Variants in FKTN observed in about 807,000 individuals in gnomAD.
The protein encoded by FKTN is ribitol-5-phosphate transferase FKTN.
In FKTN, 47 loss-of-function variants were observed where a neutral mutation model predicts 58.6. That is an observed-to-expected ratio of 0.80 (90% CI 0.63 to 1.02). The LOEUF (loss-of-function observed/expected upper bound fraction) is 1.02. Ranked by LOEUF, FKTN falls within the 50% of genes least tolerant of loss-of-function variation. FKTN has a pLI of 0.00. For synonymous variants in FKTN, 178 were observed against 191.9 expected (o/e 0.93, Z 0.60); for missense variants, 516 against 537.3 (o/e 0.96, Z 0.39).
intron 3 of FKTN, among the ~76,000 whole-genome samples, chr9:105,575,854 A>G (rs1841577970): frequency 2.6e-5 from 4 of 152,198 alleles, no homozygotes; most frequent in Admixed American, 2.6e-4. Context: ...AGAATGGAGT[A>G]TACTTCCCTG....
intron 1 of FKTN, among the ~76,000 whole-genome samples, chr9:105,570,446 G>A (rs1840544121): frequency 6.6e-6 from 1 of 152,206 alleles, no homozygotes; most frequent in Non-Finnish European, 1.5e-5. Flanking sequence ...TATTGTTATT[G>A]CCTCTATATT....
Position 105,638,482 on chromosome 9 carries a change from C to T in FKTN, c.*3218C>T. The T allele has an allele frequency of 1.0e-6, 1 of 985,394 alleles. No individual in the cohort carries two copies. The highest frequency in any genetic ancestry group is 1.2e-6 in the Non-Finnish European group (1 of 829,908). 61.0% of individuals were successfully genotyped at this position (985,394 alleles called of 1,614,324 possible). A position where few individuals can be genotyped will look rare whatever the true frequency, so the allele number is the denominator to read the frequency against. The stretch of plus-strand genomic sequence containing the variant: ...TACCTAATTCTCTAAGCTCAAGATG[C>T]ATCCCATTGCCACTTTACCATTCTA... On this transcript the variant is annotated 3_prime_UTR_variant, in exon 11 of 11. Transcript: ENST00000357998.
Position 105,618,084 on chromosome 9 carries a change from T to C in FKTN, c.1036T>C (p.Phe346Leu). The change falls in exon 9 of 11, where the codon TTT becomes CTT. Residue 346 changes from phenylalanine (F) to leucine (L), a missense_variant. By Grantham distance (22) the Phe-to-Leu change is conservative. Coordinates refer to ENST00000357998, the MANE Select transcript of FKTN (RefSeq NM_001079802.2). ...TGCAGGACTTCCGCTCAAACACAAA[T>C]TTGGGAAGGTCAGTAACAAAAGTCG... ...QDAGLPLKHK[F>L]GKVEDSLELS... 2.5e-6 allele frequency: 4 copies of C among 1,612,224 alleles called. No homozygotes were observed. The highest frequency in any genetic ancestry group is 3.4e-6 in the Non-Finnish European group (4 of 1,178,314).
chr9:105,584,299 G>A (rs1474644805), intron 3 of FKTN, among the ~76,000 whole-genome samples: 2 of 151,734 alleles, frequency 1.3e-5, no homozygotes, highest in African/African-American at 4.8e-5. Context: ...TTGTTGTATT[G>A]TGTCCATACC....
At position 105,637,333 on chromosome 9, in the gene FKTN, C is replaced by T; in HGVS notation, c.*2069C>T. On this transcript the variant is annotated 3_prime_UTR_variant, in exon 11 of 11. Coordinates refer to ENST00000357998, the MANE Select transcript of FKTN (RefSeq NM_001079802.2). ...CAAAGTCTTAAGAGTGTCTGAAATC[C>T]AAGACATCTTGGCCCAATTGACACA... The T allele has an allele frequency of 1.0e-6, 1 of 985,132 alleles. No homozygotes were observed. Among genetic ancestry groups the T allele is most frequent in the African/African-American group, 1.7e-5 (1 of 57,306 alleles). The allele number at this position is 985,132 out of a possible 1,614,324, so 61.0% of individuals were successfully genotyped here. A position where few individuals can be genotyped will look rare whatever the true frequency, so the allele number is the denominator to read the frequency against.
At chr9:105,625,347 A>G (rs573657307) in intron 10 of FKTN, among the ~76,000 whole-genome samples, 4 of 152,316 alleles carry the variant, frequency 2.6e-5, no homozygotes. Context: ...CTCTAGGAAA[A>G]GAGACTTAGG....
intron 3 of FKTN, among the ~76,000 whole-genome samples, chr9:105,589,342 A>T (rs1194959059): frequency 6.6e-6 from 1 of 152,064 alleles, no homozygotes; most frequent in East Asian, 1.9e-4. Context: ...TACCCCAAAT[A>T]CCAAAATTAG....
rs879147020 is a variant in FKTN, at chr9:105,636,329, C to A, written c.*1065C>A. ...CCAATTTAAATGGCATGTAAACCTG[C>A]CTGTTTCTTCTCCTCTTCTAATATA... On this transcript the variant is annotated 3_prime_UTR_variant, in exon 11 of 11. Transcript: ENST00000357998. 4 of 979,660 alleles carry A rather than the reference C, an allele frequency of 4.1e-6. No individual in the cohort carries two copies. The highest frequency in any genetic ancestry group is 4.7e-5 in the South Asian group (1 of 21,174). 60.7% of individuals were successfully genotyped at this position (979,660 alleles called of 1,614,324 possible).
chr9:105,582,539 A>G (rs976042671), intron 3 of FKTN, among the ~76,000 whole-genome samples: 7 of 152,190 alleles, frequency 4.6e-5, no homozygotes, highest in Non-Finnish European at 8.8e-5. Context: ...TAATTTACCC[A>G]TACAAACCAC....
intron 10 of FKTN, 25 bp from the exon 11 acceptor site, chr9:105,635,026 G>A (rs1833913550): frequency 1.9e-6 from 3 of 1,606,038 alleles, no homozygotes; most frequent in East Asian, 4.5e-5. Flanking sequence ...CACTGTTGAA[G>A]CCTAATCCCT....
At chr9:105,613,776 T>C (rs1564314766) in intron 7 of FKTN, among the ~76,000 whole-genome samples, 1 of 152,228 alleles carries the variant, frequency 6.6e-6, no homozygotes, top group African/African-American at 2.4e-5. Context: ...AGGAAAAAGA[T>C]AATTCATTTG....
chr9:105,567,888 A>C (rs374348729), intron 1 of FKTN, among the ~76,000 whole-genome samples: 8 of 152,222 alleles, frequency 5.3e-5, no homozygotes, highest in Admixed American at 4.6e-4. Flanking sequence ...CTGACTTCAA[A>C]CTATACTACA....
rs527368874 is a variant in FKTN, at chr9:105,582,055, C to T, written c.105+6918C>T. The stretch of plus-strand genomic sequence containing the variant: ...CACGGTGCGCGCACCCACTAGCCTG[C>T]GCCCACTGTCTGGCACTCCCTAGTG... On this transcript the variant is annotated intron_variant, in intron 3 of 10. Transcript: ENST00000357998. Among the ~76,000 whole-genome samples, 65 of 152,244 alleles carry T rather than the reference C, an allele frequency of 4.3e-4. 1 individual carries two copies. The East Asian group carries it at 0.01, about 24-fold the overall frequency.
chr9:105,578,967 T>C (rs1842325591), intron 3 of FKTN, among the ~76,000 whole-genome samples: 1 of 151,930 alleles, frequency 6.6e-6, no homozygotes, highest in African/African-American at 2.4e-5. Context: ...TAGAGGTGTT[T>C]ATTCTCTGAT....
intron 1 of FKTN, among the ~76,000 whole-genome samples, chr9:105,560,816 C>T (rs1838157850): frequency 6.6e-6 from 1 of 152,116 alleles, no homozygotes. Context: ...GGGCCAGGCA[C>T]GGTGGCTCAC....
chr9:105,622,080 A>G (rs773906268), intron 10 of FKTN, among the ~76,000 whole-genome samples: 11 of 152,078 alleles, frequency 7.2e-5, no homozygotes, highest in Non-Finnish European at 1.2e-4. Context: ...AAAGTGCACT[A>G]TCTGTAAAGA....
rs947937593 is a variant in FKTN, at chr9:105,596,498, A to G, written c.106-100A>G. The G allele has an allele frequency of 5.2e-6, 4 of 773,070 alleles. No homozygotes were observed. The African/African-American group carries it at 6.9e-5, about 13-fold the overall frequency. The allele number at this position is 773,070 out of a possible 1,614,324, so 47.9% of individuals were successfully genotyped here. ...AGATATTTGATAATGCTTTTTAATG[A>G]TTATAAGCTAATTATATTTTGAATC... On this transcript the variant is annotated intron_variant, in intron 3 of 10. Transcript: ENST00000357998.
At chr9:105,568,891 G>C (rs568447385) in intron 1 of FKTN, among the ~76,000 whole-genome samples, 1 of 152,234 alleles carries the variant, frequency 6.6e-6, no homozygotes, top group South Asian at 2.1e-4. Flanking sequence ...AACCAACCCA[G>C]ATGTCCATCA....
At chr9:105,614,888 T>C (rs150319252) in intron 7 of FKTN, among the ~76,000 whole-genome samples, 175 of 151,862 alleles carry the variant, frequency 1.2e-3, no homozygotes, top group African/African-American at 3.9e-3. Context: ...TTCTTTCTTT[T>C]TTTTTTTTCT....
Sources: allele counts gnomAD v4.1 joint callset (sites outside exome capture counted in the v4.1 genomes callset), GRCh38; gene constraint gnomAD v4.1.1; transcripts MANE v1.5; gene names NCBI Gene and HGNC (gene_info 2026-07-23, HGNC 2026-07-21).